NBEAL1: variants seen among roughly 807,000 people sequenced by gnomAD.
NBEAL1 encodes the protein neurobeachin like 1.
A neutral mutation model predicts 351.3 loss-of-function variants in NBEAL1; 273 were observed. That is an observed-to-expected ratio of 0.78 (90% CI 0.70 to 0.86). NBEAL1 has a LOEUF of 0.86. NBEAL1 is among the 40% of genes least tolerant of loss of function. NBEAL1 has a pLI of 0.00. For missense variants in NBEAL1, 2,961 were observed against 3,201.3 expected (o/e 0.92, Z 1.81); for synonymous variants, 1,050 against 1,086.4 (o/e 0.97, Z 0.66).
intron 10 of NBEAL1, among the ~76,000 whole-genome samples, chr2:203,088,413 C>A (rs2062007188): frequency 6.6e-6 from 1 of 152,060 alleles, no homozygotes; most frequent in Non-Finnish European, 1.5e-5. Context: ...ATCAAATAAA[C>A]CCCTCAGTGA....
At chr2:203,066,584 G>A (rs901725833) in intron 6 of NBEAL1, among the ~76,000 whole-genome samples, 198 of 152,072 alleles carry the variant, frequency 1.3e-3, no homozygotes, top group African/African-American at 4.7e-3. Context: ...CTCAATGGTC[G>A]CTGTCTCTTT....
At chr2:203,097,802 T>C (rs190955645) in intron 11 of NBEAL1, among the ~76,000 whole-genome samples, 169 bp downstream of exon 11, 179 of 152,336 alleles carry the variant, frequency 1.2e-3, no homozygotes, top group African/African-American at 4.2e-3. Context: ...TGCTTTCATC[T>C]AAAGGATAAA....
chr2:203,122,969 G>A (rs1324800345), intron 19 of NBEAL1, among the ~76,000 whole-genome samples: 1 of 151,984 alleles, frequency 6.6e-6, no homozygotes, highest in Non-Finnish European at 1.5e-5. Context: ...AGGTTGTTTA[G>A]GGTGAGAAAG....
Position 203,057,413 on chromosome 2 carries a change from T to C in NBEAL1, c.475T>C (p.Leu159=). Residue 159 remains leucine (L), a synonymous_variant, in exon 6 of 56, where the codon TTA becomes CTA. Transcript: ENST00000683969. The part of the protein sequence containing the change: ...VIHALAFCES[L]YDPYRNWRHR... ...CCACGCATTGGCATTTTGTGAAAGC[T>C]TATATGATCCATATCGGAATTGGAG... The C allele has an allele frequency of 2.6e-6, 4 of 1,552,880 alleles. No individual in the cohort carries two copies. Among genetic ancestry groups the C allele is most frequent in the Non-Finnish European group, 1.7e-6 (2 of 1,146,692 alleles).
intron 2 of NBEAL1, among the ~76,000 whole-genome samples, chr2:203,033,512 G>A (rs562121841): frequency 6.6e-6 from 1 of 152,272 alleles, no homozygotes; most frequent in Non-Finnish European, 1.5e-5. Flanking sequence ...AAGTGGGATT[G>A]AGAATAATAA....
At chr2:203,023,572 A>C (rs1424775568) in intron 2 of NBEAL1, among the ~76,000 whole-genome samples, 2 of 151,764 alleles carry the variant, frequency 1.3e-5, no homozygotes, top group Admixed American at 6.6e-5. Context: ...TATAATGTGC[A>C]GATGTGTAAG....
intron 2 of NBEAL1, among the ~76,000 whole-genome samples, chr2:203,023,165 A>G (rs16839410): frequency 1.3e-5 from 2 of 152,214 alleles, no homozygotes; most frequent in Non-Finnish European, 2.9e-5. Flanking sequence ...AATTTTGGTT[A>G]TAATCCTAAA....
intron 42 of NBEAL1, among the ~76,000 whole-genome samples, chr2:203,179,930 C>A (rs938335138): frequency 1.3e-5 from 2 of 152,026 alleles, no homozygotes; most frequent in Admixed American, 6.6e-5. Context: ...TGTGCCACCA[C>A]GCCTGGCTAA....
rs571914181 is a variant in NBEAL1 at position 203,223,429 on chromosome 2, A to G, written c.*6075A>G. On this transcript the variant is annotated 3_prime_UTR_variant, in exon 56 of 56. Transcript: ENST00000683969. ...AACTTGACTGTTAGTGGAGGGGTAT[A>G]TGTGTGTCTGTGTTTCCACTTATGT... Among the ~76,000 whole-genome samples, 1 of 152,166 alleles carries G rather than the reference A, an allele frequency of 6.6e-6. No individual in the cohort carries two copies. The highest frequency in any genetic ancestry group is 2.1e-4 in the South Asian group (1 of 4,828).
chr2:203,080,939 C>T (rs569511326), intron 8 of NBEAL1, among the ~76,000 whole-genome samples: 1 of 152,226 alleles, frequency 6.6e-6, no homozygotes, highest in Non-Finnish European at 1.5e-5. Context: ...CTTCTCTTTT[C>T]GAAAACACAG....
chr2:203,169,400 A>AC (rs1311392995), intron 38 of NBEAL1, among the ~76,000 whole-genome samples: 1 of 150,616 alleles, frequency 6.6e-6, no homozygotes, highest in Non-Finnish European at 1.5e-5. Flanking sequence ...AAAAAAAAAA[A>AC]AAAAAAAAAA....
In NBEAL1 at chr2:203,218,043, T is replaced by G. The variant is rs2065916335; in HGVS notation, c.*689T>G. On this transcript the variant is annotated 3_prime_UTR_variant, in exon 56 of 56. Coordinates refer to ENST00000683969, the MANE Select transcript of NBEAL1 (RefSeq NM_001378026.1). ...CCTTAATAATATAATTAAGCAAAAG[T>G]GCTAATTGTGATTTTGACAGTTGGG... The G allele has an allele frequency of 1.5e-6, 1 of 671,940 alleles. No homozygotes were observed. Among genetic ancestry groups the G allele is most frequent in the Non-Finnish European group, 1.8e-6 (1 of 543,916 alleles). 41.6% of individuals were successfully genotyped at this position (671,940 alleles called of 1,614,324 possible).
At chr2:203,137,114 C>T (rs745958727) in intron 29 of NBEAL1, among the ~76,000 whole-genome samples, 10 of 152,142 alleles carry the variant, frequency 6.6e-5, no homozygotes, top group Non-Finnish European at 1.2e-4. Context: ...GCTAAGAGAA[C>T]GGAGTTGGGT....
At chr2:203,168,182 T>A (rs1447392963) in intron 38 of NBEAL1, among the ~76,000 whole-genome samples, 1 of 152,254 alleles carries the variant, frequency 6.6e-6, no homozygotes, top group Non-Finnish European at 1.5e-5. Context: ...CTGTGTCATG[T>A]AATTAAACTA....
chr2:203,175,332 G>A (rs1447284025), intron 42 of NBEAL1, 45 bp downstream of exon 42: 1 of 1,592,320 alleles, frequency 6.3e-7, no homozygotes, highest in Admixed American at 1.7e-5. Context: ...CTATGTTAGT[G>A]TTGAAAACTG....
At chr2:203,197,722 A>T (rs534928777) in intron 48 of NBEAL1, among the ~76,000 whole-genome samples, 104 of 152,304 alleles carry the variant, frequency 6.8e-4, no homozygotes, top group African/African-American at 2.4e-3. Flanking sequence ...AGCTTGGGCA[A>T]CATGGTGAAA....
chr2:203,102,817 C>G (rs1164298169), intron 12 of NBEAL1, among the ~76,000 whole-genome samples: 2 of 152,120 alleles, frequency 1.3e-5, no homozygotes, highest in Admixed American at 1.3e-4. Flanking sequence ...TGATGTTGGC[C>G]TCATAGAAGG....
intron 18 of NBEAL1, among the ~76,000 whole-genome samples, chr2:203,117,754 C>G (rs1048654565): frequency 2.0e-5 from 3 of 152,034 alleles, no homozygotes; most frequent in African/African-American, 7.2e-5. Flanking sequence ...GGATCATGGC[C>G]TACTATGGTC....
Position 203,126,043 on chromosome 2 carries a change from A to G in NBEAL1, c.2935A>G (p.Asn979Asp). 6.5e-7 allele frequency: 1 copy of G among 1,543,886 alleles called. No homozygotes were observed. The part of the protein sequence containing the change: ...FIQRHPINQG[N>D]LIHSHGVATL... ...TCAGAGACATCCTATCAACCAGGGC[A>G]ATCTTATTCACTCCCATGGAGTTGC... The change falls in exon 21 of 56, where the codon AAT (asparagine) becomes GAT (aspartate). Residue 979 changes from asparagine (N) to aspartate (D), a missense_variant. Physicochemically the swap from Asn to Asp is conservative, Grantham distance 23. Transcript: ENST00000683969.
Sources: gnomAD v4.1 joint callset for allele counts (sites outside exome capture counted in the v4.1 genomes callset) on GRCh38, gnomAD v4.1.1 for gene constraint, MANE v1.5 for transcripts, NCBI Gene and HGNC (gene_info 2026-07-23, HGNC 2026-07-21) for gene names.